Variants in STK32B observed in about 807,000 individuals in gnomAD.
The protein encoded by STK32B is serine/threonine-protein kinase 32B.
Under a neutral mutation model 52.6 loss-of-function variants are expected in STK32B, and 43 were observed. That is an observed-to-expected ratio of 0.82 (90% CI 0.64 to 1.05). The LOEUF (loss-of-function observed/expected upper bound fraction) is 1.05. Among genes scored for constraint, STK32B ranks in the 50% least tolerant of loss-of-function variants. STK32B has a pLI of 0.00. For missense variants in STK32B, 621 were observed against 534.6 expected (o/e 1.16, Z -1.59); for synonymous variants, 238 against 204.3 (o/e 1.17, Z -1.41).
At chr4:5,326,624 A>G (rs1331844834) in intron 3 of STK32B, among the ~76,000 whole-genome samples, 2 of 152,182 alleles carry the variant, frequency 1.3e-5, no homozygotes, top group African/African-American at 4.8e-5. Flanking sequence ...TTATGTCTAA[A>G]AAGTGTACAT....
At chr4:5,141,037 G>A (rs553181405) in intron 2 of STK32B, among the ~76,000 whole-genome samples, 7 of 152,290 alleles carry the variant, frequency 4.6e-5, no homozygotes, top group African/African-American at 1.7e-4. Context: ...TTGCTGTTTT[G>A]TAGAGCTGAG....
chr4:5,022,432 C>A, the STK32B span, among the ~76,000 whole-genome samples: 1 of 152,170 alleles, frequency 6.6e-6, no homozygotes, highest in Non-Finnish European at 1.5e-5. Context: ...GGCTGGTGGA[C>A]CCCCGCACGT....
chr4:5,410,871 A>C (rs2109062686), intron 5 of STK32B, among the ~76,000 whole-genome samples: 1 of 152,284 alleles, frequency 6.6e-6, no homozygotes, highest in South Asian at 2.1e-4. Flanking sequence ...TGGAAGTCCA[A>C]GATCGTGGGC....
chr4:5,500,683 AGT>A lies in STK32B; in HGVS notation c.*1603_*1604del, dbSNP rs1053206034. ...TTTATTTTTTAAAAAAGAAATAGTC[AGT>A]GTTTTCCTCCTTTCAACCGAGACTA... On this transcript the variant is annotated 3_prime_UTR_variant, in exon 12 of 12. Transcript: ENST00000282908. 48 of 151,140 alleles carry A rather than the reference AGT, an allele frequency of 3.2e-4. No individual in the cohort carries two copies. Among genetic ancestry groups the A allele is most frequent in the African/African-American group, 1.2e-3 (47 of 40,586 alleles). The allele number at this position is 151,140 out of a possible 1,614,324, so 9.4% of individuals were successfully genotyped here. A position where few individuals can be genotyped will look rare whatever the true frequency, so the allele number is the denominator to read the frequency against.
At chr4:5,494,566 C>G (rs539418646) in intron 11 of STK32B, among the ~76,000 whole-genome samples, 10 of 152,202 alleles carry the variant, frequency 6.6e-5, no homozygotes, top group African/African-American at 2.2e-4. Context: ...GAGCATTTAG[C>G]CCATTTACAT....
At chr4:5,041,380 G>A in the STK32B span, among the ~76,000 whole-genome samples, 10 of 152,152 alleles carry the variant, frequency 6.6e-5, no homozygotes, top group Non-Finnish European at 1.0e-4. Flanking sequence ...CAGATGTTGC[G>A]TTTGGCAGCT....
intron 3 of STK32B, among the ~76,000 whole-genome samples, chr4:5,237,565 T>G (rs747048589): frequency 2.0e-5 from 3 of 152,136 alleles, no homozygotes; most frequent in African/African-American, 7.2e-5. Context: ...ATCAGAAATA[T>G]GAAGACAACA....
intron 3 of STK32B, among the ~76,000 whole-genome samples, chr4:5,258,749 C>T (rs1287296315): frequency 2.0e-5 from 3 of 152,174 alleles, no homozygotes; most frequent in African/African-American, 7.2e-5. Flanking sequence ...TGCCTGGTTA[C>T]CCCAATTGTC....
At chr4:5,061,747 G>A (rs571133997) in intron 1 of STK32B, among the ~76,000 whole-genome samples, 17 of 152,272 alleles carry the variant, frequency 1.1e-4, no homozygotes, top group South Asian at 4.1e-4. Context: ...TAGCTCTGTG[G>A]TGTTCTTACC....
At chr4:5,205,527 C>T (rs1159601094) in intron 3 of STK32B, among the ~76,000 whole-genome samples, 3 of 152,050 alleles carry the variant, frequency 2.0e-5, no homozygotes, top group African/African-American at 4.8e-5. Context: ...TGTGTGGAGC[C>T]TGAGGGCCTC....
chr4:5,175,922 G>A (rs1226664717), intron 3 of STK32B, among the ~76,000 whole-genome samples: 1 of 152,256 alleles, frequency 6.6e-6, no homozygotes, highest in Non-Finnish European at 1.5e-5. Flanking sequence ...GAGGCAGGCA[G>A]GCCTCCTTGA....
At position 5,161,649 on chromosome 4, in the gene STK32B, A is replaced by G. The variant is rs73797104; in HGVS notation, c.109-6650A>G. On this transcript the variant is annotated intron_variant, in intron 2 of 11. Transcript: ENST00000282908. Reference sequence around the variant, plus strand: ...GCTGTTGCTGGCTGTAAGTGTGTATAGAACGGATCACATTGCTTTCTTGAA... The same window carrying G: ...GCTGTTGCTGGCTGTAAGTGTGTATGGAACGGATCACATTGCTTTCTTGAA... Among the ~76,000 whole-genome samples, 1,498 of 152,292 alleles carry G rather than the reference A, an allele frequency of 9.8e-3. 26 individuals are homozygous for G. The highest frequency in any genetic ancestry group is 0.034 in the African/African-American group (1,402 of 41,550).
chr4:5,425,825 T>C (rs1306779426), intron 6 of STK32B, among the ~76,000 whole-genome samples: 1 of 152,218 alleles, frequency 6.6e-6, no homozygotes, highest in Non-Finnish European at 1.5e-5. Flanking sequence ...CAATTGATTT[T>C]CTACCCCTAT....
intron 1 of STK32B, among the ~76,000 whole-genome samples, chr4:5,056,168 C>T (rs906864858): frequency 2.0e-5 from 3 of 152,158 alleles, no homozygotes; most frequent in South Asian, 4.1e-4. Context: ...AGGTTGTGCA[C>T]TCCTTATGAG....
chr4:5,317,536 C>CATATAT (rs201529318), intron 3 of STK32B, among the ~76,000 whole-genome samples: 1,164 of 93,496 alleles, frequency 0.012, 181 homozygotes, highest in African/African-American at 0.074. Context: ...ATATATATTA[C>CATATAT]ATGTATATAT....
intron 3 of STK32B, among the ~76,000 whole-genome samples, chr4:5,330,100 C>G (rs895716638): frequency 3.3e-5 from 5 of 152,198 alleles, no homozygotes; most frequent in Admixed American, 2.0e-4. Flanking sequence ...CTCACACTTA[C>G]AATGACTCAC....
intron 3 of STK32B, among the ~76,000 whole-genome samples, chr4:5,174,777 A>G (rs1051145008): frequency 2.2e-4 from 34 of 152,084 alleles, no homozygotes; most frequent in African/African-American, 7.7e-4. Flanking sequence ...ACAATTATGT[A>G]TCTTGGAGTT....
chr4:5,043,862 A>G, the STK32B span, among the ~76,000 whole-genome samples: 338 of 152,366 alleles, frequency 2.2e-3, 1 homozygote, highest in African/African-American at 8.0e-3. Flanking sequence ...TCGGGCTCCC[A>G]GCCCAGTGTC....
At chr4:5,198,245 C>G (rs1394663450) in intron 3 of STK32B, among the ~76,000 whole-genome samples, 1 of 152,196 alleles carries the variant, frequency 6.6e-6, no homozygotes, top group African/African-American at 2.4e-5. Context: ...TGTCAGCCAA[C>G]ACTCTATCAA....
Sources: allele counts gnomAD v4.1 joint callset (sites outside exome capture counted in the v4.1 genomes callset), GRCh38; gene constraint gnomAD v4.1.1; transcripts MANE v1.5; gene names NCBI Gene and HGNC (gene_info 2026-07-23, HGNC 2026-07-21).